The following DHRS3 variants were observed in gnomAD, a reference collection of about 807,000 sequenced individuals.
The protein encoded by DHRS3 is short-chain dehydrogenase/reductase 3.
A neutral mutation model predicts 27.2 loss-of-function variants in DHRS3; 14 were observed. The ratio of observed to expected loss-of-function variants is 0.52; its 90% CI spans 0.34 to 0.81. The LOEUF is 0.81. Among genes scored for constraint, DHRS3 ranks in the 30% least tolerant of loss-of-function variants. The probability of loss-of-function intolerance (pLI) is 0.01; values close to 1 mark genes in which losing one functional copy is unlikely to be tolerated. For synonymous variants in DHRS3, 165 were observed against 175.9 expected (o/e 0.94, Z 0.49); for missense variants, 322 against 406.2 (o/e 0.79, Z 1.78).
intron 1 of DHRS3, among the ~76,000 whole-genome samples, chr1:12,596,820 G>A (rs1185720767): frequency 6.6e-6 from 1 of 152,036 alleles, no homozygotes; most frequent in Non-Finnish European, 1.5e-5. Context: ...CCGCAGGGCC[G>A]GTCAGAAGCC....
rs1243696142 is a variant in DHRS3 at position 12,586,962 on chromosome 1, GCACTGCCTCTGATACACCCTCTT to G, written c.196-6319_196-6297del. Among the ~76,000 whole-genome samples, 2,092 of 151,952 alleles carry G rather than the reference GCACTGCCTCTGATACACCCTCTT, an allele frequency of 0.014. 61 individuals carry two copies. The highest frequency in any genetic ancestry group is 0.047 in the African/African-American group (1,947 of 41,312). Reference sequence around the variant, plus strand: ...GGGAGGAAAAGCTGAGAAAATCATAGCACTGCCTCTGATACACCCTCTTCACTGCCTCTGATACACCCTCTTCA... The same window carrying G: ...GGGAGGAAAAGCTGAGAAAATCATAGCACTGCCTCTGATACACCCTCTTCA... On this transcript the variant is annotated intron_variant, in intron 1 of 5. Transcript: ENST00000616661. The surrounding 1 kb of genome is among the most constrained non-coding windows in gnomAD (Gnocchi z 5.0).
At chr1:12,599,690 C>T (rs758649638) in intron 1 of DHRS3, among the ~76,000 whole-genome samples, 2 of 152,250 alleles carry the variant, frequency 1.3e-5, no homozygotes, top group Non-Finnish European at 2.9e-5. Context: ...TCTGCTCTTT[C>T]CCTCTGCCTG....
rs1398017154 is a variant in DHRS3 at position 12,568,242 on chromosome 1, C to T, written c.*98G>A. The stretch of plus-strand genomic sequence containing the variant: ...CTGGGGACAGGAGCTGTCCTGCTCA[C>T]CCAGCAGAAGCATGCCAATGGACAG... On this transcript the variant is annotated 3_prime_UTR_variant, in exon 6 of 6. Transcript: ENST00000616661. 1.7e-6 allele frequency: 2 copies of T among 1,180,896 alleles called. No homozygotes were observed. Among genetic ancestry groups the T allele is most frequent in the Non-Finnish European group, 1.3e-6 (1 of 794,660 alleles). 73.2% of individuals were successfully genotyped at this position (1,180,896 alleles called of 1,614,324 possible).
At chr1:12,616,132 T>C (rs1646942693) in intron 1 of DHRS3, among the ~76,000 whole-genome samples, 1 of 152,258 alleles carries the variant, frequency 6.6e-6, no homozygotes, top group African/African-American at 2.4e-5. Flanking sequence ...ACATATTTAC[T>C]TAATCCCCAA....
At chr1:12,571,356 G>C (rs1362073461) in intron 5 of DHRS3, among the ~76,000 whole-genome samples, 1 of 152,120 alleles carries the variant, frequency 6.6e-6, no homozygotes, top group African/African-American at 2.4e-5. Flanking sequence ...CTGGTACTAA[G>C]ACGCTTCTGT....
chr1:12,580,729 C>T (rs1443639726), intron 1 of DHRS3, 63 bp from the exon 2 acceptor site: 1 of 1,544,070 alleles, frequency 6.5e-7, no homozygotes, highest in Admixed American at 2.0e-5. Context: ...GCAACAATTG[C>T]CACCAGAAAT....
rs547916682 is a variant in DHRS3 at position 12,592,655 on chromosome 1, G to C, written c.196-11989C>G. On this transcript the variant is annotated intron_variant, in intron 1 of 5. Coordinates refer to ENST00000616661, the MANE Select transcript of DHRS3 (RefSeq NM_004753.7). This position sits in a 1 kb window ranked among gnomAD's most constrained non-coding sequence, Gnocchi z 4.2. ...ATGTGAGAGCAGCTTTGGTGTTTTG[G>C]GCCACACAGCTGGTGGTCATTTGTT... Among the ~76,000 whole-genome samples the C allele has an allele frequency of 6.6e-6, 1 of 152,108 alleles. No homozygotes were observed. Among genetic ancestry groups the C allele is most frequent in the South Asian group, 2.1e-4 (1 of 4,812 alleles).
intron 4 of DHRS3, 131 bp from the exon 5 acceptor site, chr1:12,572,984 A>T (rs774632370): frequency 3.1e-5 from 37 of 1,180,226 alleles, no homozygotes; most frequent in Non-Finnish European, 4.1e-5. Flanking sequence ...CCTGCTTGGA[A>T]TACTCCCTCT....
At position 12,594,550 on chromosome 1, in the gene DHRS3, G is replaced by T. The variant is rs1227216289; in HGVS notation, c.196-13884C>A. Reference sequence around the variant, plus strand: ...TATGGGGTGGGAGTGGTATTCAGATGGTGGGGGAAAGGTGCAGGGAAGTCC... The same window carrying T: ...TATGGGGTGGGAGTGGTATTCAGATTGTGGGGGAAAGGTGCAGGGAAGTCC... On this transcript the variant is annotated intron_variant, in intron 1 of 5. Transcript: ENST00000616661. This position sits in a 1 kb window ranked among gnomAD's most constrained non-coding sequence, Gnocchi z 4.1. 6.6e-6 allele frequency among the ~76,000 whole-genome samples: 1 copy of T among 152,150 alleles called. No homozygotes were observed. Among genetic ancestry groups the T allele is most frequent in the Non-Finnish European group, 1.5e-5 (1 of 68,010 alleles).
rs962672698 is a variant in DHRS3 at position 12,593,124 on chromosome 1, C to T, written c.196-12458G>A. Among the ~76,000 whole-genome samples, 1 of 152,178 alleles carries T rather than the reference C, an allele frequency of 6.6e-6. No individual in the cohort carries two copies. Among genetic ancestry groups the T allele is most frequent in the African/African-American group, 2.4e-5 (1 of 41,444 alleles). ...GATCCTTCTAGAATGTGTCAGACCA[C>T]ATCACCCTGCTTATGACTACTGATG... On this transcript the variant is annotated intron_variant, in intron 1 of 5. Transcript: ENST00000616661. This position sits in a 1 kb window ranked among gnomAD's most constrained non-coding sequence, Gnocchi z 4.6.
rs190669181 is a variant in DHRS3, at chr1:12,581,823, G to A, written c.196-1157C>T. On this transcript the variant is annotated intron_variant, in intron 1 of 5. Coordinates refer to ENST00000616661, the MANE Select transcript of DHRS3 (RefSeq NM_004753.7). ...GGAGAAAGGCAGGGGGCTGAACACCGCCCAGAGGTCAGAAGCAGAGACAGG... is the reference window on the plus strand; with the variant it reads ...GGAGAAAGGCAGGGGGCTGAACACCACCCAGAGGTCAGAAGCAGAGACAGG... Among the ~76,000 whole-genome samples the A allele has an allele frequency of 1.4e-3, 208 of 152,292 alleles. 1 individual carries two copies. Among genetic ancestry groups the A allele is most frequent in the African/African-American group, 4.5e-3 (189 of 41,570 alleles).
At chr1:12,615,900 G>A (rs1570407192) in intron 1 of DHRS3, among the ~76,000 whole-genome samples, 1 of 152,152 alleles carries the variant, frequency 6.6e-6, no homozygotes, top group Non-Finnish European at 1.5e-5. Context: ...ACCACCCAAG[G>A]AGAAGAGGGA....
chr1:12,610,885 C>T (rs769235274), intron 1 of DHRS3, among the ~76,000 whole-genome samples: 48 of 152,112 alleles, frequency 3.2e-4, no homozygotes, highest in Admixed American at 1.3e-4. Context: ...ATGCTTTTGT[C>T]CAAGGATAAG....
At chr1:12,589,339 C>T (rs1557522583) in intron 1 of DHRS3, among the ~76,000 whole-genome samples, 1 of 151,946 alleles carries the variant, frequency 6.6e-6, no homozygotes, top group African/African-American at 2.4e-5. Flanking sequence ...TGATCTTAAC[C>T]TCTATGAATT....
At position 12,579,403 on chromosome 1, in the gene DHRS3, T is replaced by G; in HGVS notation, c.349A>C (p.Ile117Leu). 1 of 1,613,986 alleles carries G rather than the reference T, an allele frequency of 6.2e-7. No individual in the cohort carries two copies. Among genetic ancestry groups the G allele is most frequent in the Non-Finnish European group, 8.5e-7 (1 of 1,179,878 alleles). Reference sequence around the variant, plus strand: ...GCGGCATTGTTCACCAGGATGGTGATGTCACCCACCTGCAGGCGAGAGGGA... The same window carrying G: ...GCGGCATTGTTCACCAGGATGGTGAGGTCACCCACCTGCAGGCGAGAGGGA... ...AKAVREKVGD[I>L]TILVNNAAVV... The change falls in exon 3 of 6, where the codon ATC becomes CTC. Residue 117 changes from isoleucine to leucine, a missense_variant. Transcript: ENST00000616661.
Position 12,578,752 on chromosome 1 carries a change from T to A in DHRS3, c.664A>T (p.Thr222Ser). The change falls in exon 4 of 6, where the codon ACC (threonine) becomes TCC (serine). Residue 222 changes from threonine (T) to serine (S), a missense_variant. Transcript: ENST00000616661. The surrounding 1 kb of genome is among the most constrained non-coding windows in gnomAD (Gnocchi z 4.5). The stretch of plus-strand genomic sequence containing the variant: ...ATGCCCTGGAACATCTCGGTGCTGG[T>A]GTGGAAGGGCAGCACTGTGGTGGCG... The part of the protein sequence containing the change: ...VSATTVLPFH[T>S]STEMFQGMRV... 1 of 1,613,994 alleles carries A rather than the reference T, an allele frequency of 6.2e-7. No individual in the cohort carries two copies. Among genetic ancestry groups the A allele is most frequent in the Non-Finnish European group, 8.5e-7 (1 of 1,179,986 alleles).
chr1:12,611,639 A>G (rs1334256898), intron 1 of DHRS3, among the ~76,000 whole-genome samples: 1 of 152,168 alleles, frequency 6.6e-6, no homozygotes, highest in Non-Finnish European at 1.5e-5. Context: ...CTTGCAATTC[A>G]GGGAAGCCTG....
chr1:12,606,187 C>T (rs1646870136), intron 1 of DHRS3, among the ~76,000 whole-genome samples: 2 of 146,976 alleles, frequency 1.4e-5, no homozygotes, highest in African/African-American at 5.1e-5. Context: ...AAATGGATAA[C>T]TTGTTAAGAA....
chr1:12,589,708 A>G (rs1646729226), intron 1 of DHRS3, among the ~76,000 whole-genome samples: 1 of 152,052 alleles, frequency 6.6e-6, no homozygotes, highest in African/African-American at 2.4e-5. Context: ...TGTGGGCTGG[A>G]TATGTTGGCT....
Sources: allele counts gnomAD v4.1 joint callset (sites outside exome capture counted in the v4.1 genomes callset), GRCh38; gene constraint gnomAD v4.1.1; non-coding constraint Gnocchi (gnomAD v3.1); transcripts MANE v1.5; gene names NCBI Gene and HGNC (gene_info 2026-07-23, HGNC 2026-07-21).